TTC29: variants seen among roughly 807,000 people sequenced by gnomAD.
TTC29 encodes tetratricopeptide repeat protein 29.
TTC29 carries 49 observed loss-of-function variants against 58.1 expected under a neutral mutation model. That is an observed-to-expected ratio of 0.84 (90% CI 0.67 to 1.07). The LOEUF is 1.07. TTC29 is among the 50% of genes least tolerant of loss of function. The pLI is 0.00. For synonymous variants in TTC29, 209 were observed against 196.8 expected, an observed-to-expected ratio of 1.06 and a Z score of -0.52; for missense variants, 582 against 555.6, an observed-to-expected ratio of 1.05 and a Z score of -0.48.
chr4:146,915,590 A>G (rs889938232), intron 4 of TTC29, among the ~76,000 whole-genome samples: 1 of 152,076 alleles, frequency 6.6e-6, no homozygotes, highest in African/African-American at 2.4e-5. Flanking sequence ...ATAAATATAA[A>G]AAAGATGAAT....
chr4:146,859,643 A>G (rs945094563), intron 8 of TTC29, among the ~76,000 whole-genome samples: 1 of 152,080 alleles, frequency 6.6e-6, no homozygotes, highest in East Asian at 1.9e-4. Flanking sequence ...GAAAGAGTCA[A>G]GATTTATTGA....
chr4:146,941,144 C>A lies in TTC29; in HGVS notation c.-6-1243G>T, dbSNP rs556686281. On this transcript the variant is annotated intron_variant, in intron 2 of 12. Transcript: ENST00000325106. The stretch of plus-strand genomic sequence containing the variant: ...AATTGTTACATGGTGCAAGGGCTGT[C>A]AGATACAAAAGAACCCATGCTTCTG... 3.1e-4 allele frequency among the ~76,000 whole-genome samples: 47 copies of A among 152,262 alleles called. No homozygotes were observed. In the South Asian group the frequency reaches 9.6e-3, roughly 31 times the overall value.
At chr4:146,868,362 T>TA (rs1730704610) in intron 7 of TTC29, among the ~76,000 whole-genome samples, 1 of 152,026 alleles carries the variant, frequency 6.6e-6, no homozygotes, top group Non-Finnish European at 1.5e-5. Context: ...CCCTAAAACT[T>TA]AAAGTATAAT....
At chr4:146,784,192 T>G (rs1460954824) in intron 11 of TTC29, among the ~76,000 whole-genome samples, 3 of 151,896 alleles carry the variant, frequency 2.0e-5, no homozygotes, top group Admixed American at 6.6e-5. Context: ...GACATAAATA[T>G]AGTGTATAAT....
At chr4:146,859,477 G>T (rs1213656089) in intron 8 of TTC29, among the ~76,000 whole-genome samples, 2 of 151,982 alleles carry the variant, frequency 1.3e-5, no homozygotes, top group East Asian at 1.9e-4. Context: ...AAGTGTATTT[G>T]CTTGCCTTGC....
At chr4:146,919,865 A>T (rs1379203938) in intron 4 of TTC29, among the ~76,000 whole-genome samples, 1 of 151,192 alleles carries the variant, frequency 6.6e-6, no homozygotes, top group Non-Finnish European at 1.5e-5. Context: ...GAACAAACTT[A>T]GTAAAAACAA....
rs754746021 is a variant in TTC29 at position 146,903,535 on chromosome 4, C to A, written c.586+9G>T. 3.1e-6 allele frequency: 5 copies of A among 1,590,924 alleles called. No homozygotes were observed. The highest frequency in any genetic ancestry group is 4.3e-6 in the Non-Finnish European group (5 of 1,168,088). ...CATACCCAAGGCATCCTGGCAAATG[C>A]CCACTCACCATCTTCCTCGTAGAGA... On this transcript the variant is annotated intron_variant, in intron 6 of 12. Transcript: ENST00000325106.
intron 4 of TTC29, chr4:146,934,247 A>C (rs1185994826): frequency 6.6e-6 from 1 of 152,268 alleles, no homozygotes; most frequent in Non-Finnish European, 1.5e-5. Flanking sequence ...GCAGCTCTGC[A>C]ATGAAGACCA....
At chr4:146,743,786 G>T (rs959546960) in intron 11 of TTC29, among the ~76,000 whole-genome samples, 1 of 152,164 alleles carries the variant, frequency 6.6e-6, no homozygotes, top group East Asian at 1.9e-4. Flanking sequence ...CATCAAGAGG[G>T]TATTGCACAG....
At chr4:146,742,360 G>A (rs1220754952) in intron 11 of TTC29, among the ~76,000 whole-genome samples, 4 of 152,048 alleles carry the variant, frequency 2.6e-5, no homozygotes, top group Non-Finnish European at 4.4e-5. Flanking sequence ...GTATTGCAGG[G>A]GGCTAACAAA....
intron 4 of TTC29, among the ~76,000 whole-genome samples, chr4:146,918,453 T>C (rs926495018): frequency 2.6e-5 from 4 of 151,282 alleles, no homozygotes; most frequent in Non-Finnish European, 4.5e-5. Context: ...AGTTATGAAA[T>C]ATTTGTGTAG....
chr4:146,728,764 T>C (rs1332878038), intron 11 of TTC29, among the ~76,000 whole-genome samples: 5 of 130,254 alleles, frequency 3.8e-5, no homozygotes, highest in Admixed American at 2.4e-4. Context: ...TATATGTACA[T>C]ATATATACAC....
chr4:146,933,435 G>A (rs1223496599), intron 4 of TTC29, among the ~76,000 whole-genome samples: 2 of 152,130 alleles, frequency 1.3e-5, no homozygotes, highest in Non-Finnish European at 2.9e-5. Flanking sequence ...GCTACTCAAA[G>A]TAATTATGAT....
At chr4:146,834,144 C>T (rs970681708) in intron 8 of TTC29, among the ~76,000 whole-genome samples, 3 of 151,982 alleles carry the variant, frequency 2.0e-5, no homozygotes, top group Non-Finnish European at 4.4e-5. Context: ...TGCATAATTG[C>T]CCAAATCTTC....
chr4:146,869,310 T>G (rs1277099234), intron 7 of TTC29, among the ~76,000 whole-genome samples: 3 of 152,174 alleles, frequency 2.0e-5, no homozygotes, highest in Non-Finnish European at 4.4e-5. Flanking sequence ...AGCGGCTCTT[T>G]GAAGACTTCA....
intron 7 of TTC29, among the ~76,000 whole-genome samples, chr4:146,870,479 T>C (rs183646131): frequency 2.6e-5 from 4 of 151,146 alleles, no homozygotes; most frequent in African/African-American, 7.3e-5. Context: ...GGGAAGGAAA[T>C]AGGAAAAACT....
chr4:146,828,230 G>T (rs1727935967), intron 9 of TTC29, among the ~76,000 whole-genome samples: 1 of 151,994 alleles, frequency 6.6e-6, no homozygotes. Flanking sequence ...ATAATGAGAG[G>T]TTCACCGATT....
At position 146,875,926 on chromosome 4, in the gene TTC29, C is replaced by T. The variant is rs138435625; in HGVS notation, c.587-998G>A. Among the ~76,000 whole-genome samples, 12 of 152,236 alleles carry T rather than the reference C, an allele frequency of 7.9e-5. No individual in the cohort carries two copies. The East Asian group carries it at 1.9e-3, about 25-fold the overall frequency. ...TGGATTGTATTTTATTTGTTAATTGCCTCATGGGAATGCTCACAATATCCT... is the reference window on the plus strand; with the variant it reads ...TGGATTGTATTTTATTTGTTAATTGTCTCATGGGAATGCTCACAATATCCT... On this transcript the variant is annotated intron_variant, in intron 6 of 12. Transcript: ENST00000325106.
At chr4:146,799,815 C>A (rs943989795) in intron 11 of TTC29, among the ~76,000 whole-genome samples, 1 of 152,130 alleles carries the variant, frequency 6.6e-6, no homozygotes, top group Non-Finnish European at 1.5e-5. Context: ...GTTGACACTG[C>A]TATTAAGTTG....
Sources: allele counts gnomAD v4.1 joint callset (sites outside exome capture counted in the v4.1 genomes callset), GRCh38; gene constraint gnomAD v4.1.1; transcripts MANE v1.5; gene names NCBI Gene and HGNC (gene_info 2026-07-23, HGNC 2026-07-21).